PCNX2: variants seen among roughly 807,000 people sequenced by gnomAD.
The protein encoded by PCNX2 is pecanex 2.
A neutral mutation model predicts 223.8 loss-of-function variants in PCNX2; 168 were observed. The ratio of observed to expected loss-of-function variants is 0.75; its 90% CI spans 0.66 to 0.85. The LOEUF (loss-of-function observed/expected upper bound fraction) is 0.85. PCNX2 is among the 40% of genes least tolerant of loss of function. PCNX2 has a pLI of 0.00. For missense variants in PCNX2, 2,507 were observed against 2,675.5 expected (o/e 0.94, Z 1.39); for synonymous variants, 1,006 against 1,052.6 (o/e 0.96, Z 0.86).
At chr1:233,159,135 A>C (rs937102911) in intron 19 of PCNX2, among the ~76,000 whole-genome samples, 2 of 152,134 alleles carry the variant, frequency 1.3e-5, no homozygotes, top group Non-Finnish European at 2.9e-5. Context: ...AGGGGAGAGA[A>C]GTCTGAGTTA....
At chr1:233,004,745 T>C (rs541685882) in intron 28 of PCNX2, among the ~76,000 whole-genome samples, 23 of 152,322 alleles carry the variant, frequency 1.5e-4, no homozygotes, top group Non-Finnish European at 1.9e-4. Context: ...CTGATTGCTA[T>C]TTTAGCATTT....
At chr1:233,210,004 A>AT (rs527373519) in intron 12 of PCNX2, among the ~76,000 whole-genome samples, 1 of 151,998 alleles carries the variant, frequency 6.6e-6, no homozygotes, top group African/African-American at 2.4e-5. Flanking sequence ...ACTTGCTCTG[A>AT]TTTTTTTTCT....
chr1:233,278,215 A>T (rs1273499695), intron 1 of PCNX2, among the ~76,000 whole-genome samples: 1 of 152,192 alleles, frequency 6.6e-6, no homozygotes, highest in Non-Finnish European at 1.5e-5. Context: ...CAAGCATGTT[A>T]AGCCCTGGCC....
At chr1:233,056,727 G>A (rs1346782871) in intron 24 of PCNX2, among the ~76,000 whole-genome samples, 1 of 152,160 alleles carries the variant, frequency 6.6e-6, no homozygotes, top group African/African-American at 2.4e-5. Context: ...CTAATATGAG[G>A]AAAGAAGAAA....
intron 25 of PCNX2, among the ~76,000 whole-genome samples, chr1:233,035,601 G>A (rs966900279): frequency 6.6e-6 from 1 of 152,214 alleles, no homozygotes; most frequent in African/African-American, 2.4e-5. Flanking sequence ...CACTCACAAA[G>A]TGGACATTCT....
chr1:233,023,040 A>C (rs1670951460), intron 26 of PCNX2, among the ~76,000 whole-genome samples: 1 of 152,136 alleles, frequency 6.6e-6, no homozygotes, highest in Admixed American at 6.5e-5. Flanking sequence ...TGTCAACTCC[A>C]GGGCTTATCT....
chr1:233,141,717 C>G (rs146606305), intron 19 of PCNX2, among the ~76,000 whole-genome samples: 13 of 150,866 alleles, frequency 8.6e-5, no homozygotes, highest in Middle Eastern at 3.2e-3. Flanking sequence ...ATATATATAT[C>G]TGTGTGTGTA....
chr1:233,164,011 T>G (rs1266722568), intron 17 of PCNX2, among the ~76,000 whole-genome samples: 4 of 152,236 alleles, frequency 2.6e-5, no homozygotes, highest in Non-Finnish European at 5.9e-5. Flanking sequence ...CAAATATTCA[T>G]GAACATTTCC....
Position 232,991,165 on chromosome 1 carries a change from G to A in PCNX2, c.5792-4625C>T, listed in dbSNP as rs1355586192. ...GAGGAGAAAGTGGGGCAGGGGGACA[G>A]CAGTGCTGTATGGAAGGCTGGCCAG... On this transcript the variant is annotated intron_variant, in intron 32 of 33. Transcript: ENST00000258229. The surrounding 1 kb of genome is among the most constrained non-coding windows in gnomAD (Gnocchi z 4.3). Among the ~76,000 whole-genome samples the A allele has an allele frequency of 6.6e-6, 1 of 152,196 alleles. No homozygotes were observed. Among genetic ancestry groups the A allele is most frequent in the African/African-American group, 2.4e-5 (1 of 41,446 alleles).
In PCNX2 at chr1:233,058,751, C is replaced by T. The variant is rs376403722; in HGVS notation, c.4077-1461G>A. ...TGCAATCTCGGCTCATGGCAACCTC[C>T]GCCTCCTGGGTTCAAGCGATTGTCC... On this transcript the variant is annotated intron_variant, in intron 23 of 33. Coordinates refer to ENST00000258229, the MANE Select transcript of PCNX2 (RefSeq NM_014801.4). Among the ~76,000 whole-genome samples, 9 of 149,950 alleles carry T rather than the reference C, an allele frequency of 6.0e-5. No homozygotes were observed. The East Asian group carries it at 1.2e-3, about 20-fold the overall frequency.
At chr1:232,985,671 G>T in intron 33 of PCNX2, 1 of 415,004 alleles carries the variant, frequency 2.4e-6, no homozygotes, top group Non-Finnish European at 4.3e-6. Flanking sequence ...AAGTCAAATC[G>T]ATTGGCTGAG....
intron 23 of PCNX2, among the ~76,000 whole-genome samples, chr1:233,073,585 C>T (rs1672950397): frequency 6.6e-6 from 1 of 151,312 alleles, no homozygotes; most frequent in African/African-American, 2.4e-5. Flanking sequence ...GCACAGGCCA[C>T]CATACCTGGT....
At chr1:233,324,238 A>C in the PCNX2 span, among the ~76,000 whole-genome samples, 1 of 152,248 alleles carries the variant, frequency 6.6e-6, no homozygotes, top group African/African-American at 2.4e-5. Flanking sequence ...ACGGTGAAGC[A>C]GCAAGTGCTA....
At chr1:233,172,413 G>C (rs1679208778) in intron 17 of PCNX2, 11 of 985,400 alleles carry the variant, frequency 1.1e-5, no homozygotes, top group Non-Finnish European at 1.3e-5. Context: ...AACTTGTGCT[G>C]CAAATCCATG....
intron 17 of PCNX2, chr1:233,172,635 T>A: frequency 1.2e-6 from 1 of 843,156 alleles, no homozygotes; most frequent in Non-Finnish European, 1.4e-6. Context: ...GTTCGAGGTC[T>A]GAAAAACAAG....
rs79482716 is a variant in PCNX2, at chr1:233,270,232, G to A, written c.154-7069C>T. ...CAGAGAAGTGCTATCATTTCTTTGCGTTTATATATGTGAAGGGAGTTACAA... is the reference window on the plus strand; with the variant it reads ...CAGAGAAGTGCTATCATTTCTTTGCATTTATATATGTGAAGGGAGTTACAA... On this transcript the variant is annotated intron_variant, in intron 1 of 33. Coordinates refer to ENST00000258229, the MANE Select transcript of PCNX2 (RefSeq NM_014801.4). 1.7e-3 allele frequency among the ~76,000 whole-genome samples: 265 copies of A among 152,190 alleles called. 3 individuals are homozygous for A. The South Asian group carries it at 0.025, about 15-fold the overall frequency.
the PCNX2 span, among the ~76,000 whole-genome samples, chr1:233,302,275 A>G: frequency 1.3e-5 from 2 of 152,036 alleles, no homozygotes; most frequent in African/African-American, 2.4e-5. Context: ...TTTTTGGTAA[A>G]TATATTTTTT....
the PCNX2 span, among the ~76,000 whole-genome samples, chr1:233,310,869 G>A: frequency 6.6e-6 from 1 of 152,142 alleles, no homozygotes. Context: ...GCAAAAGAGA[G>A]AGGAGGGAGA....
Position 233,263,137 on chromosome 1 carries a change from T to TA in PCNX2, c.179dup (p.Phe61IlefsTer26). On this transcript the variant is annotated frameshift_variant, in exon 2 of 34. Transcript: ENST00000258229. LOFTEE classifies it high-confidence loss of function. ...TAGTCACTGCACTGCAGTAGAAAAA[T>TA]ACAATGATCGCATTTGGAGGAAAAG... The TA allele has an allele frequency of 6.2e-7, 1 of 1,611,016 alleles. No individual in the cohort carries two copies. The highest frequency in any genetic ancestry group is 1.7e-5 in the Admixed American group (1 of 59,846).
Sources: gnomAD v4.1 joint callset for allele counts (sites outside exome capture counted in the v4.1 genomes callset) on GRCh38, gnomAD v4.1.1 for gene constraint, Gnocchi (gnomAD v3.1) non-coding constraint, MANE v1.5 for transcripts, NCBI Gene and HGNC (gene_info 2026-07-23, HGNC 2026-07-21) for gene names.